ZFPM1: variants seen among roughly 807,000 people sequenced by gnomAD.
The protein encoded by ZFPM1 is zinc finger protein ZFPM1.
A neutral mutation model predicts 46.3 loss-of-function variants in ZFPM1; 28 were observed. The observed-to-expected ratio is 0.60, with a 90% CI of 0.45 to 0.83. ZFPM1 has a LOEUF of 0.83. ZFPM1 is among the 40% of genes least tolerant of loss of function. The pLI, the probability that ZFPM1 is intolerant of heterozygous loss-of-function variation, is 0.00. For synonymous variants in ZFPM1, 957 were observed against 675.9 expected (o/e 1.42, Z -6.45); for missense variants, 1,878 against 1,432.4 (o/e 1.31, Z -5.02).
chr16:88,518,399 G>A (rs1301410685), intron 4 of ZFPM1, among the ~76,000 whole-genome samples: 1 of 150,596 alleles, frequency 6.6e-6, no homozygotes, highest in Non-Finnish European at 1.5e-5. Context: ...GTGGGTAGGT[G>A]CGTGGATGGA....
intron 1 of ZFPM1, among the ~76,000 whole-genome samples, chr16:88,464,882 A>G (rs1229854037): frequency 6.6e-6 from 1 of 151,944 alleles, no homozygotes; most frequent in Non-Finnish European, 1.5e-5. Context: ...CTCTCCACCC[A>G]TTAACATTCC....
At chr16:88,506,623 C>G (rs916887222) in intron 3 of ZFPM1, among the ~76,000 whole-genome samples, 1 of 152,142 alleles carries the variant, frequency 6.6e-6, no homozygotes, top group African/African-American at 2.4e-5. Context: ...GCCAGAGGGC[C>G]CAGACGTATG....
intron 8 of ZFPM1, 22 bp downstream of exon 8, chr16:88,532,731 G>T (rs768202986): frequency 1.2e-6 from 2 of 1,612,436 alleles, no homozygotes; most frequent in Admixed American, 3.3e-5. Flanking sequence ...AGGGGCCGGG[G>T]GGTGTGTGGG....
intron 4 of ZFPM1, among the ~76,000 whole-genome samples, chr16:88,517,226 ATGGGTGGG>A (rs552381201): frequency 0.028 from 754 of 27,258 alleles, 13 homozygotes; most frequent in African/African-American, 0.045. Context: ...GGATGGATGG[ATGGGTGGG>A]TGGGTGGGTG....
rs1414857206 is a variant in ZFPM1 at position 88,480,896 on chromosome 16, A to G, written c.41-5043A>G. Among the ~76,000 whole-genome samples, 4 of 152,248 alleles carry G rather than the reference A, an allele frequency of 2.6e-5. No individual in the cohort carries two copies. The highest frequency in any genetic ancestry group is 9.6e-5 in the African/African-American group (4 of 41,472). On this transcript the variant is annotated intron_variant, in intron 1 of 9. Coordinates refer to ENST00000319555, the MANE Select transcript of ZFPM1 (RefSeq NM_153813.3). The surrounding 1 kb of genome is among the most constrained non-coding windows in gnomAD (Gnocchi z 4.9). ...CAAAGGAGCCCCCCAGCGCCTCGCC[A>G]TCAAAGCCGGGAGGGGCCACCTTAA...
At chr16:88,496,251 A>C (rs1015179319) in intron 3 of ZFPM1, among the ~76,000 whole-genome samples, 1 of 152,144 alleles carries the variant, frequency 6.6e-6, no homozygotes, top group African/African-American at 2.4e-5. Flanking sequence ...TGAGAGGCCC[A>C]GGATGTGACA....
At chr16:88,509,766 G>A (rs1055797284) in intron 3 of ZFPM1, among the ~76,000 whole-genome samples, 1 of 152,208 alleles carries the variant, frequency 6.6e-6, no homozygotes, top group African/African-American at 2.4e-5. Context: ...TTCAGGGTCT[G>A]GTCTCGGGAG....
At chr16:88,489,916 AT>A (rs1320121911) in intron 3 of ZFPM1, among the ~76,000 whole-genome samples, 1 of 140,124 alleles carries the variant, frequency 7.1e-6, no homozygotes, top group African/African-American at 2.6e-5. Flanking sequence ...CAAGGCCGTC[AT>A]GGGAGCTGGT....
chr16:88,465,583 G>A (rs528213813), intron 1 of ZFPM1, among the ~76,000 whole-genome samples: 31 of 152,330 alleles, frequency 2.0e-4, no homozygotes, highest in African/African-American at 6.5e-4. Flanking sequence ...AACAGTGCCC[G>A]GTTATACAGT....
chr16:88,473,508 G>A (rs1214796280), intron 1 of ZFPM1, among the ~76,000 whole-genome samples: 4 of 152,094 alleles, frequency 2.6e-5, no homozygotes, highest in Admixed American at 6.5e-5. Context: ...TGACGGCCCC[G>A]CTGCCCCGGG....
Position 88,534,320 on chromosome 16 carries a change from G to T in ZFPM1, c.2362G>T (p.Gly788Cys). The T allele has an allele frequency of 1.5e-6, 2 of 1,326,390 alleles. No homozygotes were observed. The highest frequency in any genetic ancestry group is 1.9e-6 in the Non-Finnish European group (2 of 1,040,234). The allele number at this position is 1,326,390 out of a possible 1,614,324, so 82.2% of individuals were successfully genotyped here. The change falls in exon 10 of 10, where the codon GGC (glycine) becomes TGC (cysteine). Residue 788 changes from glycine (G) to cysteine (C), a missense_variant. By Grantham distance (159) the Gly-to-Cys change is radical. Transcript: ENST00000319555. ...GPGLAPARSP[G>C]PAADGPIDLS... Reference sequence around the variant, plus strand: ...CGGCCTCGCCCCTGCGCGCTCGCCCGGCCCCGCGGCCGACGGCCCCATCGA... The same window carrying T: ...CGGCCTCGCCCCTGCGCGCTCGCCCTGCCCCGCGGCCGACGGCCCCATCGA...
At chr16:88,485,122 C>A (rs893481519) in intron 1 of ZFPM1, among the ~76,000 whole-genome samples, 13 of 152,228 alleles carry the variant, frequency 8.5e-5, no homozygotes, top group African/African-American at 3.1e-4. Flanking sequence ...GACTGGGCCC[C>A]TGGGCGGGGC....
rs1057106435 is a variant in ZFPM1 at position 88,488,070 on chromosome 16, C to T, written c.146-961C>T. 3.3e-5 allele frequency among the ~76,000 whole-genome samples: 5 copies of T among 152,212 alleles called. No homozygotes were observed. The East Asian group carries it at 7.7e-4, about 23-fold the overall frequency. On this transcript the variant is annotated intron_variant, in intron 2 of 9. Coordinates refer to ENST00000319555, the MANE Select transcript of ZFPM1 (RefSeq NM_153813.3). ...GCACATGTGAGCTGGGTGCGAGTCC[C>T]TTGGTGGCTGGGGGGAGAGAGCACG...
chr16:88,501,170 A>C (rs796682409), intron 3 of ZFPM1, among the ~76,000 whole-genome samples: 2 of 83,286 alleles, frequency 2.4e-5, no homozygotes, highest in Non-Finnish European at 4.8e-5. Flanking sequence ...TGGAGATAGC[A>C]GACATGGGTG....
intron 2 of ZFPM1, 147 bp from the exon 3 acceptor site, chr16:88,488,884 G>A (rs1022246100): frequency 7.2e-6 from 9 of 1,243,894 alleles, no homozygotes; most frequent in Non-Finnish European, 8.8e-6. Flanking sequence ...TCCCACCCCA[G>A]TGAGAGCGCA....
chr16:88,477,602 G>A (rs979131041), intron 1 of ZFPM1, among the ~76,000 whole-genome samples: 4 of 152,230 alleles, frequency 2.6e-5, no homozygotes, highest in African/African-American at 4.8e-5. Flanking sequence ...GGCTTAGGCC[G>A]GAGGATCGCT....
At chr16:88,528,564 G>C (rs1229867144) in intron 6 of ZFPM1, among the ~76,000 whole-genome samples, 3 of 152,210 alleles carry the variant, frequency 2.0e-5, no homozygotes, top group African/African-American at 7.2e-5. Flanking sequence ...CCTGACTGTG[G>C]GCCAGAGCAG....
chr16:88,476,278 C>A (rs975495457), intron 1 of ZFPM1, among the ~76,000 whole-genome samples: 1 of 152,308 alleles, frequency 6.6e-6, no homozygotes, highest in East Asian at 1.9e-4. Flanking sequence ...CCTAGCCACA[C>A]CCCCCTCCAA....
At chr16:88,491,756 G>A (rs17175830) in intron 3 of ZFPM1, among the ~76,000 whole-genome samples, 31,428 of 152,158 alleles carry the variant, frequency 0.21, 3,545 homozygotes, top group East Asian at 0.36. Flanking sequence ...ATCGGCTCCC[G>A]CAGATATGAA....
Sources: gnomAD v4.1 joint callset for allele counts (sites outside exome capture counted in the v4.1 genomes callset) on GRCh38, gnomAD v4.1.1 for gene constraint, Gnocchi (gnomAD v3.1) non-coding constraint, MANE v1.5 for transcripts, NCBI Gene and HGNC (gene_info 2026-07-23, HGNC 2026-07-21) for gene names.